RNF6: variants seen among roughly 807,000 people sequenced by gnomAD.
The protein encoded by RNF6 is E3 ubiquitin-protein ligase RNF6.
In RNF6, 21 loss-of-function variants were observed where a neutral mutation model predicts 50.1. That is an observed-to-expected ratio of 0.42 (90% CI 0.30 to 0.60). RNF6 has a LOEUF of 0.60. RNF6 is among the 20% of genes least tolerant of loss of function. RNF6 has a pLI of 0.20. For synonymous variants in RNF6, 255 were observed against 291.8 expected, an observed-to-expected ratio of 0.87 and a Z score of 1.29; for missense variants, 698 against 838.2, an observed-to-expected ratio of 0.83 and a Z score of 2.07.
At chr13:26,204,073 C>T (rs563618870) in intron 5 of RNF6, among the ~76,000 whole-genome samples, 65 of 152,290 alleles carry the variant, frequency 4.3e-4, no homozygotes, top group African/African-American at 1.5e-3. Flanking sequence ...GGAGGTTCTC[C>T]TCACCTACTC....
intron 5 of RNF6, among the ~76,000 whole-genome samples, chr13:26,174,708 G>A (rs1169558821): frequency 6.6e-6 from 1 of 152,130 alleles, no homozygotes; most frequent in East Asian, 1.9e-4. Context: ...CTAATATCCT[G>A]AATGTTGCCA....
rs1007408628 is a variant in RNF6, at chr13:26,214,751, T to C, written c.1131A>G (p.Thr377=). ...FSNSRLVSRI[T]VEEGEESSRS... ...TGCTGGATTCTTCTCCTTCTTCTAC[T>C]GTTATTCTTGACACAAGCCTTGAAT... is the stretch of plus-strand genomic sequence containing the variant. Residue 377 remains threonine (T), a synonymous_variant, in exon 5 of 5, where the codon ACA becomes ACG. Transcript: ENST00000381588. 9.9e-6 allele frequency: 16 copies of C among 1,614,116 alleles called. No individual in the cohort carries two copies. The highest frequency in any genetic ancestry group is 1.2e-5 in the Non-Finnish European group (14 of 1,180,052).
At chr13:26,171,070 A>G (rs186728393) in intron 5 of RNF6, among the ~76,000 whole-genome samples, 1 of 152,332 alleles carries the variant, frequency 6.6e-6, no homozygotes, top group East Asian at 1.9e-4. Flanking sequence ...GACTTCATCA[A>G]AATTAAAAAC....
intron 5 of RNF6, chr13:26,135,589 G>A (rs1454822153): frequency 2.0e-5 from 3 of 152,098 alleles, no homozygotes; most frequent in Non-Finnish European, 4.4e-5. Flanking sequence ...ATCAATTGAG[G>A]TTGACTAGAA....
At chr13:26,180,873 A>G (rs1439324455) in intron 5 of RNF6, among the ~76,000 whole-genome samples, 1 of 151,952 alleles carries the variant, frequency 6.6e-6, no homozygotes, top group Non-Finnish European at 1.5e-5. Flanking sequence ...TCCAGGGCCC[A>G]CTGGGTATTC....
At position 26,214,797 on chromosome 13, in the gene RNF6, G is replaced by A; in HGVS notation, c.1085C>T (p.Thr362Ile). ...EQDRERERRG[T>I]AYTPFSNSRL... is the part of the protein sequence containing the mutation. ...TGAATTAGAGAATGGGGTATATGCAGTACCTCTGCGTTCTCGTTCTCTATC... is the reference window on the plus strand; with the variant it reads ...TGAATTAGAGAATGGGGTATATGCAATACCTCTGCGTTCTCGTTCTCTATC... Residue 362 changes from threonine to isoleucine, a missense_variant, in exon 5 of 5, where the codon ACT becomes ATT. Coordinates refer to ENST00000381588, the MANE Select transcript of RNF6 (RefSeq NM_005977.4). The A allele has an allele frequency of 1.2e-6, 2 of 1,614,134 alleles. No individual in the cohort carries two copies. The highest frequency in any genetic ancestry group is 1.7e-6 in the Non-Finnish European group (2 of 1,180,022).
At chr13:26,197,768 G>A (rs541704795) in intron 5 of RNF6, among the ~76,000 whole-genome samples, 22 of 151,862 alleles carry the variant, frequency 1.4e-4, no homozygotes, top group Non-Finnish European at 2.8e-4. Flanking sequence ...GCTCACACCT[G>A]TAATCCCAGC....
At chr13:26,155,035 A>G (rs1871834539) in intron 5 of RNF6, among the ~76,000 whole-genome samples, 1 of 147,442 alleles carries the variant, frequency 6.8e-6, no homozygotes, top group Non-Finnish European at 1.5e-5. Context: ...GCCTGAAAAA[A>G]AGCAAAAAAC....
intron 2 of RNF6, among the ~76,000 whole-genome samples, chr13:26,220,069 T>G (rs1488329633): frequency 1.3e-5 from 2 of 152,252 alleles, no homozygotes; most frequent in East Asian, 3.8e-4. Flanking sequence ...CTTCACTTAA[T>G]GAGCAAAGGG....
chr13:26,177,820 G>C (rs1275884749), intron 5 of RNF6, among the ~76,000 whole-genome samples: 1 of 152,180 alleles, frequency 6.6e-6, no homozygotes, highest in Non-Finnish European at 1.5e-5. Flanking sequence ...GAGCCTCCCA[G>C]CTCTAGCTAT....
chr13:26,142,305 T>G (rs1301061366), intron 5 of RNF6: 4 of 152,192 alleles, frequency 2.6e-5, no homozygotes, highest in African/African-American at 9.7e-5. Flanking sequence ...GTTCAACCAC[T>G]GTGGAAATAT....
Position 26,213,953 on chromosome 13 carries a change from G to C in RNF6, c.1929C>G (p.Asn643Lys). 6.2e-7 allele frequency: 1 copy of C among 1,614,168 alleles called. No individual in the cohort carries two copies. The highest frequency in any genetic ancestry group is 8.5e-7 in the Non-Finnish European group (1 of 1,180,040). Residue 643 changes from asparagine (N) to lysine (K), a missense_variant, in exon 5 of 5, where the codon AAC (asparagine) becomes AAG (lysine). Asn to Lys is a moderately conservative substitution (Grantham distance 94). Transcript: ENST00000381588. ...SVCISDYVTG[N>K]KLRQLPCMHE... ...GCATGCAAGGTAATTGCCTGAGCTT[G>C]TTTCCAGTTACATAGTCACTAATAC...
intron 5 of RNF6, among the ~76,000 whole-genome samples, chr13:26,138,965 G>A (rs1870790638): frequency 1.3e-5 from 2 of 152,126 alleles, no homozygotes; most frequent in Non-Finnish European, 2.9e-5. Flanking sequence ...TTCTTTGTAA[G>A]CGCCTTGATT....
chr13:26,182,858 T>A (rs1289150514), intron 5 of RNF6, among the ~76,000 whole-genome samples: 1 of 152,206 alleles, frequency 6.6e-6, no homozygotes, highest in Non-Finnish European at 1.5e-5. Flanking sequence ...CATACACAAC[T>A]TGGTATCCCA....
At chr13:26,178,883 G>C (rs1000948774) in intron 5 of RNF6, among the ~76,000 whole-genome samples, 1 of 152,122 alleles carries the variant, frequency 6.6e-6, no homozygotes, top group Non-Finnish European at 1.5e-5. Context: ...AGATCATGCA[G>C]TGTTTGTTTT....
At chr13:26,201,145 T>A (rs1478744120) in intron 5 of RNF6, among the ~76,000 whole-genome samples, 1 of 152,214 alleles carries the variant, frequency 6.6e-6, no homozygotes, top group African/African-American at 2.4e-5. Flanking sequence ...CCCATTTTTT[T>A]AACAATGGAC....
chr13:26,205,115 C>T (rs9581589), intron 5 of RNF6, among the ~76,000 whole-genome samples: 31,136 of 152,096 alleles, frequency 0.2, 3,713 homozygotes, highest in East Asian at 0.4. Context: ...ATCATTTTGT[C>T]CTGAATAGGT....
intron 5 of RNF6, among the ~76,000 whole-genome samples, chr13:26,143,461 G>T (rs1871064974): frequency 6.6e-6 from 1 of 152,204 alleles, no homozygotes; most frequent in Non-Finnish European, 1.5e-5. Flanking sequence ...TATGCCTCCG[G>T]ATGGAAGCAT....
intron 5 of RNF6, among the ~76,000 whole-genome samples, chr13:26,133,723 G>A (rs1870507482): frequency 6.6e-6 from 1 of 152,120 alleles, no homozygotes; most frequent in Non-Finnish European, 1.5e-5. Flanking sequence ...TTATTTTGCT[G>A]AGTTTTTATT....
Sources: gnomAD v4.1 joint callset for allele counts (sites outside exome capture counted in the v4.1 genomes callset) on GRCh38, gnomAD v4.1.1 for gene constraint, MANE v1.5 for transcripts, NCBI Gene and HGNC (gene_info 2026-07-23, HGNC 2026-07-21) for gene names.